The following ZNF404 variants were observed in gnomAD, a reference collection of about 807,000 sequenced individuals.
The protein encoded by ZNF404 is zinc finger protein 404.
In ZNF404, 7 loss-of-function variants were observed where a neutral mutation model predicts 7.3. The ratio of observed to expected loss-of-function variants is 0.95; its 90% confidence interval spans 0.54 to 1.79. The LOEUF (loss-of-function observed/expected upper bound fraction) is 1.79. Ranked by LOEUF, ZNF404 falls within the 40% of genes most tolerant of loss-of-function variation. The pLI, the probability that ZNF404 is intolerant of heterozygous loss-of-function variation, is 0.00. For synonymous variants in ZNF404, 191 were observed against 209.9 expected, an observed-to-expected ratio of 0.91 and a Z score of 0.78; for missense variants, 560 against 661.5, an observed-to-expected ratio of 0.85 and a Z score of 1.68.
Position 43,873,901 on chromosome 19 carries a change from C to T in ZNF404, c.313G>A (p.Gly105Arg). The T allele has an allele frequency of 6.2e-7, 1 of 1,612,998 alleles. No individual in the cohort carries two copies. Among genetic ancestry groups the T allele is most frequent in the Non-Finnish European group, 8.5e-7 (1 of 1,179,472 alleles). Residue 105 changes from glycine (G) to arginine (R), a missense_variant, in exon 3 of 3, where the codon GGA (glycine) becomes AGA (arginine). Physicochemically the swap from Gly to Arg is moderately radical, Grantham distance 125. Transcript: ENST00000587539. Reference protein sequence around the residue: ...EFGRQQRPKVGCFSQMIFKKH... With the variant: ...EFGRQQRPKVRCFSQMIFKKH... ...TTGAATATCATTTGACTAAAACATCCCACTTTAGGTCTCTGTTGTCTCCCA... is the reference window on the plus strand; with the variant it reads ...TTGAATATCATTTGACTAAAACATCTCACTTTAGGTCTCTGTTGTCTCCCA...
At chr19:43,874,167 A>G in intron 2 of ZNF404, 90 bp from the exon 3 acceptor site, 1 of 914,590 alleles carries the variant, frequency 1.1e-6, no homozygotes, top group Non-Finnish European at 1.6e-6. Context: ...GATAAACTAA[A>G]AAGTGTATCT....
At chr19:43,880,259 T>C (rs1411342417) in intron 1 of ZNF404, 123 bp from the exon 2 acceptor site, 1 of 806,324 alleles carries the variant, frequency 1.2e-6, no homozygotes, top group Non-Finnish European at 1.9e-6. Flanking sequence ...GATGATGACA[T>C]GGTTAGATAA....
chr19:43,873,297 T>C lies in ZNF404; in HGVS notation c.917A>G (p.Lys306Arg). The change falls in exon 3 of 3, where the codon AAG (lysine) becomes AGG (arginine). Residue 306 changes from lysine to arginine, a missense_variant. Transcript: ENST00000587539. ...AAGTAGATAGCTGCGAACAAAGGCC[T>C]TTTCACATTGTTCACATTTATATGG... ...EKPYKCEQCEKAFVRSYLLVE... is the reference protein window; with the variant it reads ...EKPYKCEQCERAFVRSYLLVE... The C allele has an allele frequency of 1.9e-6, 3 of 1,613,582 alleles. No individual in the cohort carries two copies. The highest frequency in any genetic ancestry group is 2.5e-6 in the Non-Finnish European group (3 of 1,179,676).
At chr19:43,876,102 T>C (rs1352282419) in intron 2 of ZNF404, among the ~76,000 whole-genome samples, 3 of 152,156 alleles carry the variant, frequency 2.0e-5, no homozygotes, top group Non-Finnish European at 4.4e-5. Flanking sequence ...AGCAGGCAGA[T>C]TGTTTGAGGC....
rs1188654785 is a variant in ZNF404 at position 43,872,911 on chromosome 19, C to T, written c.1303G>A (p.Gly435Arg). The change falls in exon 3 of 3, where the codon GGG (glycine) becomes AGG (arginine). Residue 435 changes from glycine (G) to arginine (R), a missense_variant. By Grantham distance (125) the Gly-to-Arg change is moderately radical. Coordinates refer to ENST00000587539, the MANE Select transcript of ZNF404 (RefSeq NM_001033719.3). This position sits in a 1 kb window ranked among gnomAD's most constrained non-coding sequence, Gnocchi z 4.4. ...TCCTTACATTCATAGGGTTTCTCCCCAGCATGAATTGATTGATGTGTCTTA... is the reference window on the plus strand; with the variant it reads ...TCCTTACATTCATAGGGTTTCTCCCTAGCATGAATTGATTGATGTGTCTTA... ...DLKTHQSIHA[G>R]EKPYECKECG... 6 of 1,607,712 alleles carry T rather than the reference C, an allele frequency of 3.7e-6. No individual in the cohort carries two copies. Among genetic ancestry groups the T allele is most frequent in the Non-Finnish European group, 2.5e-6 (3 of 1,176,556 alleles).
In ZNF404 at chr19:43,880,161, T is replaced by C. The variant is rs1047861237; in HGVS notation, c.10-25A>G. ...CCTGAAATGACAAACCTGTGTATTATTTGTAAAAGTAAAGAAGACTTTTCA... is the reference window on the plus strand; with the variant it reads ...CCTGAAATGACAAACCTGTGTATTACTTGTAAAAGTAAAGAAGACTTTTCA... On this transcript the variant is annotated intron_variant, in intron 1 of 2. Transcript: ENST00000587539. 5.1e-6 allele frequency: 8 copies of C among 1,578,426 alleles called. No homozygotes were observed. The South Asian group carries it at 7.0e-5, about 14-fold the overall frequency.
At chr19:43,882,706 A>C (rs1886453100) in intron 1 of ZNF404, among the ~76,000 whole-genome samples, 2 of 151,512 alleles carry the variant, frequency 1.3e-5, no homozygotes, top group Admixed American at 6.6e-5. Context: ...TGGGAGGATC[A>C]CTTGAGCCCA....
Position 43,873,081 on chromosome 19 carries a change from G to T in ZNF404, c.1133C>A (p.Thr378Asn). The change falls in exon 3 of 3, where the codon ACT (threonine) becomes AAT (asparagine). Residue 378 changes from threonine to asparagine, a missense_variant. Physicochemically the swap from Thr to Asn is moderately conservative, Grantham distance 65. Transcript: ENST00000587539. ...TTTACATTCATGTGGCTTCTCACCA[G>T]TATGAATTCTCTGATGCTGTGTAAG... ...SQLTQHQRIHTGEKPHECKEC... is the reference protein window; with the variant it reads ...SQLTQHQRIHNGEKPHECKEC... The T allele has an allele frequency of 6.2e-7, 1 of 1,612,822 alleles. No homozygotes were observed. The highest frequency in any genetic ancestry group is 2.2e-5 in the East Asian group (1 of 44,854).
chr19:43,878,900 GGAAAACA>G (rs1280411817), intron 2 of ZNF404, among the ~76,000 whole-genome samples: 27 of 152,160 alleles, frequency 1.8e-4, no homozygotes, highest in Non-Finnish European at 1.5e-5. Context: ...GACTAACAGA[GGAAAACA>G]TAAATACCCT....
chr19:43,872,913 G>C lies in ZNF404; in HGVS notation c.1301C>G (p.Ala434Gly). The C allele has an allele frequency of 6.2e-7, 1 of 1,607,660 alleles. No homozygotes were observed. The highest frequency in any genetic ancestry group is 8.5e-7 in the Non-Finnish European group (1 of 1,176,410). ...GDLKTHQSIH[A>G]GEKPYECKEC... ...CTTACATTCATAGGGTTTCTCCCCA[G>C]CATGAATTGATTGATGTGTCTTAAG... The change falls in exon 3 of 3, where the codon GCT becomes GGT. Residue 434 changes from alanine to glycine, a missense_variant. Physicochemically the swap from Ala to Gly is moderately conservative, Grantham distance 60 (BLOSUM62 0). Coordinates refer to ENST00000587539, the MANE Select transcript of ZNF404 (RefSeq NM_001033719.3). The surrounding 1 kb of genome is among the most constrained non-coding windows in gnomAD (Gnocchi z 4.4).
rs373962641 is a variant in ZNF404 at position 43,880,119 on chromosome 19, G to A, written c.27C>T (p.Ser9=). 17 of 1,611,318 alleles carry A rather than the reference G, an allele frequency of 1.1e-5. No homozygotes were observed. In the African/African-American group the frequency reaches 1.1e-4, roughly 10 times the overall value. The part of the protein sequence containing the change: MARVPLTF[S]DVAIDFSQEE... ...CCTGAGAGAAGTCTATGGCAACATC[G>A]CTGAATGTCAATGGCACCTGAAATG... Residue 9 remains serine (S), a synonymous_variant, in exon 2 of 3, where the codon AGC becomes AGT. Transcript: ENST00000587539.
In ZNF404 at chr19:43,872,824, A is replaced by T; in HGVS notation, c.1390T>A (p.Leu464Met). 6.2e-7 allele frequency: 1 copy of T among 1,610,062 alleles called. No homozygotes were observed. Among genetic ancestry groups the T allele is most frequent in the Non-Finnish European group, 8.5e-7 (1 of 1,177,718 alleles). The change falls in exon 3 of 3, where the codon TTG becomes ATG. Residue 464 changes from leucine (L) to methionine (M), a missense_variant. Coordinates refer to ENST00000587539, the MANE Select transcript of ZNF404 (RefSeq NM_001033719.3). The surrounding 1 kb of genome is among the most constrained non-coding windows in gnomAD (Gnocchi z 4.4). ...CATTCTTTACATACATAGGGTTTCA[A>T]ACCAGTATGAATTGTCTGATGATAA... ...LIYHQTIHTG[L>M]KPYVCKECKK...
Position 43,872,819 on chromosome 19 carries a change from T to C in ZNF404, c.1395A>G (p.Lys465=). ...IYHQTIHTGL[K]PYVCKECKKA... ...TCTTACATTCTTTACATACATAGGGTTTCAAACCAGTATGAATTGTCTGAT... is the reference window on the plus strand; with the variant it reads ...TCTTACATTCTTTACATACATAGGGCTTCAAACCAGTATGAATTGTCTGAT... The change falls in exon 3 of 3, where the codon AAA becomes AAG. Residue 465 remains lysine (K), a synonymous_variant. Transcript: ENST00000587539. The surrounding 1 kb of genome is among the most constrained non-coding windows in gnomAD (Gnocchi z 4.4). 6.2e-7 allele frequency: 1 copy of C among 1,610,312 alleles called. No individual in the cohort carries two copies. Among genetic ancestry groups the C allele is most frequent in the Non-Finnish European group, 8.5e-7 (1 of 1,177,814 alleles).
rs1327906879 is a variant in ZNF404 at position 43,872,554 on chromosome 19, A to G, written c.*1T>C. 12 of 1,583,738 alleles carry G rather than the reference A, an allele frequency of 7.6e-6. No homozygotes were observed. In the East Asian group the frequency reaches 2.2e-4, roughly 30 times the overall value. ...GCCATGGCTAAAGGCTTTCCCTCTC[A>G]TTACATTAAGAGTCTCTCACCATGG... is the stretch of plus-strand genomic sequence containing the variant. On this transcript the variant is annotated 3_prime_UTR_variant, in exon 3 of 3. Coordinates refer to ENST00000587539, the MANE Select transcript of ZNF404 (RefSeq NM_001033719.3). The surrounding 1 kb of genome is among the most constrained non-coding windows in gnomAD (Gnocchi z 4.4).
chr19:43,874,462 T>C (rs1971837863), intron 2 of ZNF404, among the ~76,000 whole-genome samples: 1 of 31,028 alleles, frequency 3.2e-5, no homozygotes, highest in Non-Finnish European at 6.1e-5. Context: ...CTCTATATAA[T>C]TGTCAGTGGT....
rs779773020 is a variant in ZNF404 at position 43,883,959 on chromosome 19, G to A, written c.6C>T (p.Ala2=). The change falls in exon 1 of 3, where the codon GCC becomes GCT. Residue 2 remains alanine (A), a synonymous_variant. Coordinates refer to ENST00000587539, the MANE Select transcript of ZNF404 (RefSeq NM_001033719.3). M[A]RVPLTFSDVA... ...AGCAAAAGAGACATCAACTCACCCG[G>A]GCCATGGTTTCAGAAATGCTAGTTC... The A allele has an allele frequency of 1.3e-6, 2 of 1,598,900 alleles. No individual in the cohort carries two copies. The highest frequency in any genetic ancestry group is 1.7e-5 in the Admixed American group (1 of 59,942).
In ZNF404 at chr19:43,873,725, T is replaced by C. The variant is rs767886070; in HGVS notation, c.489A>G (p.Glu163=). ...GGAAAACTACAAATGCTTTTCCACA[T>C]TCATTACATTCATAGGGTATCACAC... ...HTGVIPYECN[E]CGKAFVVFQH... The change falls in exon 3 of 3, where the codon GAA becomes GAG. Residue 163 remains glutamate (E), a synonymous_variant. Coordinates refer to ENST00000587539, the MANE Select transcript of ZNF404 (RefSeq NM_001033719.3). 6.2e-7 allele frequency: 1 copy of C among 1,610,058 alleles called. No homozygotes were observed.
intron 1 of ZNF404, among the ~76,000 whole-genome samples, chr19:43,883,646 G>A (rs372512266): frequency 3.9e-5 from 6 of 152,146 alleles, no homozygotes; most frequent in Non-Finnish European, 8.8e-5. Flanking sequence ...CCTATGCCAC[G>A]AAACCATGAA....
At position 43,873,195 on chromosome 19, in the gene ZNF404, G is replaced by C; in HGVS notation, c.1019C>G (p.Ser340Ter). ...MECGKAFGKG[S>*]SLLKHKRIHS... is the part of the protein sequence containing the mutation. ...AATTCTCTTATGTTTAAGAAGGCTT[G>C]AGCCCTTACCAAAAGCCTTTCCACA... The change falls in exon 3 of 3, where the codon TCA (serine) becomes TGA (stop). Residue 340 changes from serine (S) to a stop codon, truncating the protein, a stop_gained. Coordinates refer to ENST00000587539, the MANE Select transcript of ZNF404 (RefSeq NM_001033719.3). LOFTEE classifies it low-confidence loss of function (END_TRUNC). 1 of 1,612,616 alleles carries C rather than the reference G, an allele frequency of 6.2e-7. No homozygotes were observed. The highest frequency in any genetic ancestry group is 2.2e-5 in the East Asian group (1 of 44,850).
Sources: gnomAD v4.1 joint callset for allele counts (sites outside exome capture counted in the v4.1 genomes callset) on GRCh38, gnomAD v4.1.1 for gene constraint, Gnocchi (gnomAD v3.1) non-coding constraint, MANE v1.5 for transcripts, NCBI Gene and HGNC (gene_info 2026-07-23, HGNC 2026-07-21) for gene names.